The following KAT6B variants were observed in gnomAD, a reference collection of about 807,000 sequenced individuals.
KAT6B encodes the protein lysine acetyltransferase 6B.
In KAT6B, 10 loss-of-function variants were observed where a neutral mutation model predicts 187.5. That is an observed-to-expected ratio of 0.05 (90% confidence interval 0.03 to 0.09). The LOEUF is 0.09. Among genes scored for constraint, KAT6B ranks in the 10% least tolerant of loss-of-function variants. The pLI is 1.00. For missense variants in KAT6B, 1,952 were observed against 2,558.9 expected, an observed-to-expected ratio of 0.76 and a Z score of 5.12; for synonymous variants, 861 against 926.8, an observed-to-expected ratio of 0.93 and a Z score of 1.29.
intron 3 of KAT6B, among the ~76,000 whole-genome samples, chr10:74,919,645 C>T (rs563606767): frequency 9.9e-5 from 15 of 152,232 alleles, no homozygotes; most frequent in Admixed American, 2.6e-4. Flanking sequence ...TCAGGCGATC[C>T]GCCCACCTAG....
intron 13 of KAT6B, among the ~76,000 whole-genome samples, chr10:74,989,771 T>C (rs1399540087): frequency 6.6e-6 from 1 of 152,168 alleles, no homozygotes; most frequent in Non-Finnish European, 1.5e-5. Context: ...GTAGTTTTTT[T>C]TTTCCTCCTT....
chr10:74,861,783 T>G (rs1843207588), intron 3 of KAT6B, among the ~76,000 whole-genome samples: 1 of 152,230 alleles, frequency 6.6e-6, no homozygotes, highest in South Asian at 2.1e-4. Flanking sequence ...CTGAGAAGAT[T>G]GTTAAAATTT....
At chr10:74,994,721 G>A (rs1843320448) in intron 13 of KAT6B, among the ~76,000 whole-genome samples, 1 of 151,788 alleles carries the variant, frequency 6.6e-6, no homozygotes, top group African/African-American at 2.4e-5. Flanking sequence ...GGGAGGTGGA[G>A]GTTGCAGTGA....
chr10:74,975,991 A>G lies in KAT6B; in HGVS notation c.1654A>G (p.Thr552Ala), dbSNP rs373962168. ...CTTTGATGGGCTTTCTCATATCTAT[A>G]CCACTCAGGGACAGTCTCGCAAAAA... ...ALFDGLSHIY[T>A]TQGQSRKKGH... Residue 552 changes from threonine to alanine, a missense_variant, in exon 8 of 18, where the codon ACC becomes GCC. By Grantham distance (58) the Thr-to-Ala change is moderately conservative (BLOSUM62 0). Coordinates refer to ENST00000287239, the MANE Select transcript of KAT6B (RefSeq NM_012330.4). 382 of 1,614,070 alleles carry G rather than the reference A, an allele frequency of 2.4e-4. 2 individuals carry two copies. The South Asian group carries it at 3.8e-3, about 16-fold the overall frequency.
intron 3 of KAT6B, among the ~76,000 whole-genome samples, chr10:74,889,139 G>A (rs568956588): frequency 6.6e-6 from 1 of 152,258 alleles, no homozygotes; most frequent in Non-Finnish European, 1.5e-5. Flanking sequence ...ACAGACATGG[G>A]ACGAGATTGA....
chr10:74,993,260 T>A (rs192932474), intron 13 of KAT6B, among the ~76,000 whole-genome samples: 16 of 152,338 alleles, frequency 1.1e-4, no homozygotes, highest in Admixed American at 3.3e-4. Flanking sequence ...TCCATCTCAC[T>A]ATTTTTTTCT....
chr10:75,019,510 G>A (rs1313283712), intron 13 of KAT6B, among the ~76,000 whole-genome samples: 2 of 152,196 alleles, frequency 1.3e-5, no homozygotes, highest in African/African-American at 2.4e-5. Flanking sequence ...TGTAGATAAA[G>A]AAGAAAAATG....
chr10:75,025,600 A>G lies in KAT6B; in HGVS notation c.3664+351A>G, dbSNP rs1845764219. On this transcript the variant is annotated intron_variant, in intron 17 of 17. Transcript: ENST00000287239. ...TTTTTTCACATTTAGTTATTTCTGA[A>G]ATCAAGGTATATATTATTATCAGTG... 6 of 281,622 alleles carry G rather than the reference A, an allele frequency of 2.1e-5. No homozygotes were observed. The South Asian group carries it at 2.5e-4, about 12-fold the overall frequency. 17.4% of individuals were successfully genotyped at this position (281,622 alleles called of 1,614,324 possible).
At position 74,843,495 on chromosome 10, in the gene KAT6B, T is replaced by C. The variant is rs781197272; in HGVS notation, c.621+17T>C. Reference sequence around the variant, plus strand: ...AAAGACCAGGTAAGCGAAGGAGTAATGTTCGTGCATTCTCACTACTGTCCT... The same window carrying C: ...AAAGACCAGGTAAGCGAAGGAGTAACGTTCGTGCATTCTCACTACTGTCCT... On this transcript the variant is annotated intron_variant, in intron 3 of 17. Transcript: ENST00000287239. 4.3e-6 allele frequency: 7 copies of C among 1,612,570 alleles called. No individual in the cohort carries two copies. The highest frequency in any genetic ancestry group is 2.7e-5 in the African/African-American group (2 of 75,022).
chr10:74,904,672 A>T (rs1846633701), intron 3 of KAT6B, among the ~76,000 whole-genome samples: 3 of 152,072 alleles, frequency 2.0e-5, no homozygotes, highest in Admixed American at 2.0e-4. Context: ...GTGTTAATAT[A>T]TCCAGTCTTT....
At chr10:75,012,672 G>A (rs1008965795) in intron 13 of KAT6B, among the ~76,000 whole-genome samples, 4 of 152,162 alleles carry the variant, frequency 2.6e-5, no homozygotes, top group African/African-American at 9.7e-5. Context: ...CCCTACTTGT[G>A]AGTTCATTTT....
In KAT6B at chr10:74,951,493, G is replaced by T. The variant is rs567457717; in HGVS notation, c.622-8477G>T. ...TTGTAGAGATGGAAAGAAATAGCGG[G>T]ACTGGGGAGGGGGAGTGCCACCACA... On this transcript the variant is annotated intron_variant, in intron 3 of 17. Transcript: ENST00000287239. 2.6e-5 allele frequency among the ~76,000 whole-genome samples: 4 copies of T among 152,046 alleles called. No homozygotes were observed. In the South Asian group the frequency reaches 8.3e-4, roughly 32 times the overall value.
At position 75,031,615 on chromosome 10, in the gene KAT6B, T is replaced by A. The variant is rs574362568; in HGVS notation, c.*569T>A. On this transcript the variant is annotated 3_prime_UTR_variant, in exon 18 of 18. Transcript: ENST00000287239. Reference sequence around the variant, plus strand: ...TTAGGGTGCCCTAATTTGAGGGTTTTAAAAAAAACTATATTTTTGTTAATT... The same window carrying A: ...TTAGGGTGCCCTAATTTGAGGGTTTAAAAAAAAACTATATTTTTGTTAATT... 21 of 213,980 alleles carry A rather than the reference T, an allele frequency of 9.8e-5. No homozygotes were observed. The highest frequency in any genetic ancestry group is 3.6e-4 in the African/African-American group (16 of 44,210). The allele number at this position is 213,980 out of a possible 1,614,324, so 13.3% of individuals were successfully genotyped here.
At chr10:74,965,527 A>T (rs1488411281) in intron 4 of KAT6B, among the ~76,000 whole-genome samples, 1 of 152,188 alleles carries the variant, frequency 6.6e-6, no homozygotes, top group African/African-American at 2.4e-5. Flanking sequence ...TCAGGTAGCC[A>T]GTCTGAGGGG....
intron 12 of KAT6B, among the ~76,000 whole-genome samples, chr10:74,987,882 G>A (rs995632463): frequency 6.6e-6 from 1 of 152,178 alleles, no homozygotes; most frequent in Non-Finnish European, 1.5e-5. Context: ...CAAAACAGAC[G>A]AATTACTTGA....
At chr10:75,019,347 G>A (rs946579892) in intron 13 of KAT6B, among the ~76,000 whole-genome samples, 1 of 152,120 alleles carries the variant, frequency 6.6e-6, no homozygotes, top group Non-Finnish European at 1.5e-5. Flanking sequence ...ACCCTTCGAG[G>A]GTTCAGGCTG....
At chr10:74,919,279 A>G (rs1847939187) in intron 3 of KAT6B, among the ~76,000 whole-genome samples, 1 of 152,164 alleles carries the variant, frequency 6.6e-6, no homozygotes, top group African/African-American at 2.4e-5. Context: ...AAGTTTTTGT[A>G]CAATATATCA....
chr10:74,844,533 G>A (rs750178606), intron 3 of KAT6B, among the ~76,000 whole-genome samples: 1 of 152,156 alleles, frequency 6.6e-6, no homozygotes, highest in Non-Finnish European at 1.5e-5. Context: ...ATTTTAATAC[G>A]TCACCTAAAT....
At position 75,025,113 on chromosome 10, in the gene KAT6B, T is replaced by C; in HGVS notation, c.3528T>C (p.Cys1176=). Reference sequence around the variant, plus strand: ...CAATGCCACAGCTGGAGCCTACCTGTGAGATTGAAGTGGAGGAAGATGGCA... The same window carrying C: ...CAATGCCACAGCTGGAGCCTACCTGCGAGATTGAAGTGGAGGAAGATGGCA... ...ERPMPQLEPT[C]EIEVEEDGRK... The change falls in exon 17 of 18, where the codon TGT becomes TGC. Residue 1176 remains cysteine, a synonymous_variant. Coordinates refer to ENST00000287239, the MANE Select transcript of KAT6B (RefSeq NM_012330.4). 1 of 1,613,740 alleles carries C rather than the reference T, an allele frequency of 6.2e-7. No homozygotes were observed. The highest frequency in any genetic ancestry group is 8.5e-7 in the Non-Finnish European group (1 of 1,179,746).
Sources: gnomAD v4.1 joint callset for allele counts (sites outside exome capture counted in the v4.1 genomes callset) on GRCh38, gnomAD v4.1.1 for gene constraint, MANE v1.5 for transcripts, NCBI Gene and HGNC (gene_info 2026-07-23, HGNC 2026-07-21) for gene names.